The following ZIC2 variants were observed in gnomAD, a reference collection of about 807,000 sequenced individuals.
ZIC2 encodes zinc finger protein ZIC 2.
A neutral mutation model predicts 29.5 loss-of-function variants in ZIC2; 7 were observed. That is an observed-to-expected ratio of 0.24 (90% confidence interval 0.14 to 0.45). The LOEUF is 0.45. Ranked by LOEUF, ZIC2 falls within the 20% of genes least tolerant of loss-of-function variation. The pLI is 1.00. For missense variants in ZIC2, 589 were observed against 781.2 expected (o/e 0.75, Z 2.93); for synonymous variants, 408 against 354.2 (o/e 1.15, Z -1.70).
chr13:99,982,139 C>CGCGGCGGCG lies in ZIC2; in HGVS notation c.84_92dup (p.Ala31_Ala33dup). On this transcript the variant is annotated inframe_insertion, in exon 1 of 3. Transcript: ENST00000376335. ...TCGCGCGCCACCATCACCACTCCGC[C>CGCGGCGGCG]GCGGCGGCGGCGGCGGCTGCCGCCG... 2 of 1,330,564 alleles carry CGCGGCGGCG rather than the reference C, an allele frequency of 1.5e-6. No individual in the cohort carries two copies. The highest frequency in any genetic ancestry group is 4.1e-5 in the South Asian group (2 of 48,262). The allele number at this position is 1,330,564 out of a possible 1,614,324, so 82.4% of individuals were successfully genotyped here. A position where few individuals can be genotyped will look rare whatever the true frequency, so the allele number is the denominator to read the frequency against.
In ZIC2 at chr13:99,982,160, C is replaced by G; in HGVS notation, c.96C>G (p.Ala32=). The change falls in exon 1 of 3, where the codon GCC becomes GCG. Residue 32 remains alanine, a synonymous_variant. Coordinates refer to ENST00000376335, the MANE Select transcript of ZIC2 (RefSeq NM_007129.5). Reference sequence around the variant, plus strand: ...CCGCCGCGGCGGCGGCGGCGGCTGCCGCCGAGATGCAGGACCGTGAACTGA... The same window carrying G: ...CCGCCGCGGCGGCGGCGGCGGCTGCGGCCGAGATGCAGGACCGTGAACTGA... ...HHSAAAAAAA[A]AEMQDRELSL... is the part of the protein sequence containing the mutation. The G allele has an allele frequency of 1.5e-6, 2 of 1,362,070 alleles. No homozygotes were observed. Among genetic ancestry groups the G allele is most frequent in the Non-Finnish European group, 1.9e-6 (2 of 1,062,670 alleles). The allele number at this position is 1,362,070 out of a possible 1,614,324, so 84.4% of individuals were successfully genotyped here. A position where few individuals can be genotyped will look rare whatever the true frequency, so the allele number is the denominator to read the frequency against.
Position 99,982,522 on chromosome 13 carries a change from C to T in ZIC2, c.458C>T (p.Ala153Val). 2.0e-6 allele frequency: 3 copies of T among 1,524,036 alleles called. No individual in the cohort carries two copies. The highest frequency in any genetic ancestry group is 2.5e-5 in the East Asian group (1 of 40,684). 94.4% of individuals were successfully genotyped at this position (1,524,036 alleles called of 1,614,324 possible). A position where few individuals can be genotyped will look rare whatever the true frequency, so the allele number is the denominator to read the frequency against. Residue 153 changes from alanine (A) to valine (V), a missense_variant, in exon 1 of 3, where the codon GCG (alanine) becomes GTG (valine). Physicochemically the swap from Ala to Val is moderately conservative, Grantham distance 64. Transcript: ENST00000376335. Reference sequence around the variant, plus strand: ...GGCCTGCACCACGCGCACTCGGACGCGCAGGGCCACCTCCTCTTCCCGGGC... The same window carrying T: ...GGCCTGCACCACGCGCACTCGGACGTGCAGGGCCACCTCCTCTTCCCGGGC... Reference protein sequence around the residue: ...AGGLHHAHSDAQGHLLFPGLP... With the variant: ...AGGLHHAHSDVQGHLLFPGLP...
chr13:99,985,319 G>A lies in ZIC2; in HGVS notation c.1240-4G>A. ...GGTCCCCCCTCCCGGCTTTTGTCTT[G>A]CAGGTCCATGAGTCCTCCCCGCAGG... On this transcript the variant is annotated splice_polypyrimidine_tract_variant and splice_region_variant and intron_variant, in intron 2 of 2. Coordinates refer to ENST00000376335, the MANE Select transcript of ZIC2 (RefSeq NM_007129.5). This position sits in a 1 kb window ranked among gnomAD's most constrained non-coding sequence, Gnocchi z 6.3. 6.3e-7 allele frequency: 1 copy of A among 1,598,406 alleles called. No individual in the cohort carries two copies. The highest frequency in any genetic ancestry group is 1.1e-5 in the South Asian group (1 of 91,068).
rs1170929800 is a variant in ZIC2, at chr13:99,982,301, G to C, written c.237G>C (p.Ser79=). ...CGGGCCAGAGCTCGGCGTTCACGTC[G>C]CAGGGCCCCGGCGCCTACCCCGGCT... is the stretch of plus-strand genomic sequence containing the variant. ...LSPGQSSAFT[S]QGPGAYPGSA... The change falls in exon 1 of 3, where the codon TCG becomes TCC. Residue 79 remains serine (S), a synonymous_variant. Transcript: ENST00000376335. 1.5e-5 allele frequency: 23 copies of C among 1,484,610 alleles called. 1 individual carries two copies. The highest frequency in any genetic ancestry group is 2.0e-5 in the Non-Finnish European group (22 of 1,119,976). 92.0% of individuals were successfully genotyped at this position (1,484,610 alleles called of 1,614,324 possible).
chr13:99,985,200 C>CCCAGGGG lies in ZIC2; in HGVS notation c.1239+98_1239+104dup. Reference sequence around the variant, plus strand: ...CCACCTCAGCCGGCCTGGGAGGGTCCCCAGGGGCCAGGGCGGCGGGGGGAA... The same window carrying CCCAGGGG: ...CCACCTCAGCCGGCCTGGGAGGGTCCCCAGGGGCCAGGGGCCAGGGCGGCGGGGGGAA... On this transcript the variant is annotated intron_variant, in intron 2 of 2. Transcript: ENST00000376335. The surrounding 1 kb of genome is among the most constrained non-coding windows in gnomAD (Gnocchi z 6.3). 2 of 1,606,900 alleles carry CCCAGGGG rather than the reference C, an allele frequency of 1.2e-6. No individual in the cohort carries two copies. The highest frequency in any genetic ancestry group is 1.7e-6 in the Non-Finnish European group (2 of 1,176,202).
rs754464194 is a variant in ZIC2, at chr13:99,985,033, C to A, written c.1163C>A (p.Thr388Asn). 3.1e-6 allele frequency: 5 copies of A among 1,614,174 alleles called. No individual in the cohort carries two copies. Among genetic ancestry groups the A allele is most frequent in the Non-Finnish European group, 4.2e-6 (5 of 1,179,992 alleles). Reference sequence around the variant, plus strand: ...AGGAAGAAGCACATGCACGTCCACACCTCCGATAAGCCCTATCTCTGCAAG... The same window carrying A: ...AGGAAGAAGCACATGCACGTCCACAACTCCGATAAGCCCTATCTCTGCAAG... The part of the protein sequence containing the change: ...SDRKKHMHVH[T>N]SDKPYLCKMC... The change falls in exon 2 of 3, where the codon ACC becomes AAC. Residue 388 changes from threonine (T) to asparagine (N), a missense_variant. Physicochemically the swap from Thr to Asn is moderately conservative, Grantham distance 65 (BLOSUM62 0). This residue lies in a region of ZIC2 where 36 missense variants were observed against 72.9 expected (regional missense o/e 0.49). Transcript: ENST00000376335. The surrounding 1 kb of genome is among the most constrained non-coding windows in gnomAD (Gnocchi z 6.3).
Position 99,982,761 on chromosome 13 carries a change from C to T in ZIC2, c.697C>T (p.His233Tyr). The T allele has an allele frequency of 6.2e-7, 1 of 1,602,238 alleles. No homozygotes were observed. The highest frequency in any genetic ancestry group is 8.5e-7 in the Non-Finnish European group (1 of 1,178,446). The part of the protein sequence containing the change: ...MNMAAAAAHH[H>Y]HHHHHHPGAF... Reference sequence around the variant, plus strand: ...CATGGCAGCAGCCGCGGCCCACCACCACCACCACCACCACCACCACCCCGG... The same window carrying T: ...CATGGCAGCAGCCGCGGCCCACCACTACCACCACCACCACCACCACCCCGG... The change falls in exon 1 of 3, where the codon CAC (histidine) becomes TAC (tyrosine). Residue 233 changes from histidine to tyrosine, a missense_variant. By Grantham distance (83) the His-to-Tyr change is moderately conservative (BLOSUM62 2). Around this residue, in one of 7 missense-constraint regions of ZIC2, gnomAD observed 358 missense variants for 382.0 expected, o/e 0.94. Transcript: ENST00000376335.
chr13:99,982,457 G>T lies in ZIC2; in HGVS notation c.393G>T (p.Pro131=). Residue 131 remains proline (P), a synonymous_variant, in exon 1 of 3, where the codon CCG becomes CCT. Transcript: ENST00000376335. ...FRSRGFGDSA[P]GGGQHGLFGP... Reference sequence around the variant, plus strand: ...GCCGCGGCTTCGGGGACTCGGCGCCGGGCGGCGGGCAGCACGGGCTGTTCG... The same window carrying T: ...GCCGCGGCTTCGGGGACTCGGCGCCTGGCGGCGGGCAGCACGGGCTGTTCG... The T allele has an allele frequency of 1.4e-6, 2 of 1,426,496 alleles. No individual in the cohort carries two copies. The highest frequency in any genetic ancestry group is 1.5e-5 in the African/African-American group (1 of 65,662). The allele number at this position is 1,426,496 out of a possible 1,614,324, so 88.4% of individuals were successfully genotyped here. A position where few individuals can be genotyped will look rare whatever the true frequency, so the allele number is the denominator to read the frequency against.
At position 99,985,975 on chromosome 13, in the gene ZIC2, T is replaced by G. The variant is rs571466779; in HGVS notation, c.*293T>G. 9 of 431,532 alleles carry G rather than the reference T, an allele frequency of 2.1e-5. No homozygotes were observed. Among genetic ancestry groups the G allele is most frequent in the Admixed American group, 8.3e-5 (3 of 36,002 alleles). 26.7% of individuals were successfully genotyped at this position (431,532 alleles called of 1,614,324 possible). A position where few individuals can be genotyped will look rare whatever the true frequency, so the allele number is the denominator to read the frequency against. On this transcript the variant is annotated 3_prime_UTR_variant, in exon 3 of 3. Transcript: ENST00000376335. This position sits in a 1 kb window ranked among gnomAD's most constrained non-coding sequence, Gnocchi z 6.3. Reference sequence around the variant, plus strand: ...AAAATGTTGAACCAAACCTCCCTGCTAATCTCCATGCCCACGTTCTTTCCC... The same window carrying G: ...AAAATGTTGAACCAAACCTCCCTGCGAATCTCCATGCCCACGTTCTTTCCC...
At chr13:99,984,102 G>T (rs1401018923) in intron 1 of ZIC2, among the ~76,000 whole-genome samples, 1 of 152,206 alleles carries the variant, frequency 6.6e-6, no homozygotes, top group Non-Finnish European at 1.5e-5. Context: ...TGAAATGCTC[G>T]CTTTCGAGTC....
At position 99,985,850 on chromosome 13, in the gene ZIC2, T is replaced by TTTTTA. The variant is rs1350180382; in HGVS notation, c.*170_*171insTTATT. On this transcript the variant is annotated 3_prime_UTR_variant, in exon 3 of 3. Transcript: ENST00000376335. This position sits in a 1 kb window ranked among gnomAD's most constrained non-coding sequence, Gnocchi z 6.3. The stretch of plus-strand genomic sequence containing the variant: ...GATTTTTTAAAGTTTTTTTTTTTTT[T>TTTTTA]TTAATAATAATCTAGGCATGAAGAG... 1.9e-5 allele frequency: 5 copies of TTTTTA among 269,458 alleles called. No individual in the cohort carries two copies. The highest frequency in any genetic ancestry group is 3.0e-5 in the Non-Finnish European group (5 of 164,414). The allele number at this position is 269,458 out of a possible 1,614,324, so 16.7% of individuals were successfully genotyped here.
Position 99,985,393 on chromosome 13 carries a change from C to T in ZIC2, c.1310C>T (p.Pro437Leu). 6.3e-7 allele frequency: 1 copy of T among 1,597,062 alleles called. No homozygotes were observed. Among genetic ancestry groups the T allele is most frequent in the East Asian group, 2.2e-5 (1 of 44,802 alleles). The change falls in exon 3 of 3, where the codon CCC (proline) becomes CTC (leucine). Residue 437 changes from proline to leucine, a missense_variant. By Grantham distance (98) the Pro-to-Leu change is moderately conservative. Around this residue, in one of 7 missense-constraint regions of ZIC2, gnomAD observed 135 missense variants for 136.7 expected, o/e 0.99. Transcript: ENST00000376335. The surrounding 1 kb of genome is among the most constrained non-coding windows in gnomAD (Gnocchi z 6.3). Reference protein sequence around the residue: ...AASSGYESSTPPGLVSPSAEP... With the variant: ...AASSGYESSTLPGLVSPSAEP... ...AGCTCCGGCTATGAGTCGTCCACGC[C>T]CCCGGGGCTGGTGTCCCCCAGCGCC...
chr13:99,982,308 C>G lies in ZIC2; in HGVS notation c.244C>G (p.Pro82Ala). ...GAGCTCGGCGTTCACGTCGCAGGGC[C>G]CCGGCGCCTACCCCGGCTCCGCTGC... is the stretch of plus-strand genomic sequence containing the variant. ...GQSSAFTSQG[P>A]GAYPGSAAAA... The change falls in exon 1 of 3, where the codon CCC becomes GCC. Residue 82 changes from proline (P) to alanine (A), a missense_variant. Around this residue, in one of 7 missense-constraint regions of ZIC2, gnomAD observed 358 missense variants for 382.0 expected, o/e 0.94. Coordinates refer to ENST00000376335, the MANE Select transcript of ZIC2 (RefSeq NM_007129.5). 1 of 1,477,308 alleles carries G rather than the reference C, an allele frequency of 6.8e-7. No homozygotes were observed. The highest frequency in any genetic ancestry group is 2.3e-4 in the Middle Eastern group (1 of 4,372). The allele number at this position is 1,477,308 out of a possible 1,614,324, so 91.5% of individuals were successfully genotyped here. A position where few individuals can be genotyped will look rare whatever the true frequency, so the allele number is the denominator to read the frequency against.
At position 99,981,866 on chromosome 13, in the gene ZIC2, C is replaced by T; in HGVS notation, c.-199C>T. The T allele has an allele frequency of 8.8e-7, 1 of 1,134,996 alleles. No individual in the cohort carries two copies. 70.3% of individuals were successfully genotyped at this position (1,134,996 alleles called of 1,614,324 possible). On this transcript the variant is annotated 5_prime_UTR_variant, in exon 1 of 3. Transcript: ENST00000376335. ...TCTTCCTCTCCGCGCCTTCGCTACGCGCCCGGCCGCCCGAGGCAGATCCAG... is the reference window on the plus strand; with the variant it reads ...TCTTCCTCTCCGCGCCTTCGCTACGTGCCCGGCCGCCCGAGGCAGATCCAG...
At position 99,985,716 on chromosome 13, in the gene ZIC2, AC is replaced by A; in HGVS notation, c.*38del. The A allele has an allele frequency of 7.1e-6, 9 of 1,263,628 alleles. No individual in the cohort carries two copies. The highest frequency in any genetic ancestry group is 2.5e-5 in the Admixed American group (1 of 39,640). The allele number at this position is 1,263,628 out of a possible 1,614,324, so 78.3% of individuals were successfully genotyped here. On this transcript the variant is annotated 3_prime_UTR_variant, in exon 3 of 3. Coordinates refer to ENST00000376335, the MANE Select transcript of ZIC2 (RefSeq NM_007129.5). The surrounding 1 kb of genome is among the most constrained non-coding windows in gnomAD (Gnocchi z 6.3). ...GGCCTCTCTCCCTCTCCCTGTCCCC[AC>A]CCCAGCGCAGCAGCCCTCCCCGCAG... is the stretch of plus-strand genomic sequence containing the variant.
rs779746760 is a variant in ZIC2, at chr13:99,985,476, G to A, written c.1393G>A (p.Ala465Thr). The change falls in exon 3 of 3, where the codon GCG becomes ACG. Residue 465 changes from alanine (A) to threonine (T), a missense_variant. This residue lies in a region of ZIC2 where 135 missense variants were observed against 136.7 expected (regional missense o/e 0.99). Transcript: ENST00000376335. This position sits in a 1 kb window ranked among gnomAD's most constrained non-coding sequence, Gnocchi z 6.3. ...GGCGGCGGCAGCGGCGGCGGCGGCT[G>A]CGGCGGCGGCGGCCGCGGTGTCCGC... ...PAAAAAAAAAAAAAAAVSAVH... is the reference protein window; with the variant it reads ...PAAAAAAAAATAAAAAVSAVH... 3.9e-6 allele frequency: 5 copies of A among 1,269,684 alleles called. No homozygotes were observed. The South Asian group carries it at 1.4e-4, about 35-fold the overall frequency. 78.7% of individuals were successfully genotyped at this position (1,269,684 alleles called of 1,614,324 possible).
At position 99,985,792 on chromosome 13, in the gene ZIC2, T is replaced by C; in HGVS notation, c.*110T>C. ...CATGTTGTTAAAATTATGAATCTGA[T>C]TTTTATGATGATGAAAATTTTACCA... On this transcript the variant is annotated 3_prime_UTR_variant, in exon 3 of 3. Coordinates refer to ENST00000376335, the MANE Select transcript of ZIC2 (RefSeq NM_007129.5). The surrounding 1 kb of genome is among the most constrained non-coding windows in gnomAD (Gnocchi z 6.3). The C allele has an allele frequency of 1.7e-6, 1 of 583,242 alleles. No homozygotes were observed. The highest frequency in any genetic ancestry group is 3.3e-5 in the South Asian group (1 of 30,246). 36.1% of individuals were successfully genotyped at this position (583,242 alleles called of 1,614,324 possible). A position where few individuals can be genotyped will look rare whatever the true frequency, so the allele number is the denominator to read the frequency against.
rs548606078 is a variant in ZIC2, at chr13:99,983,301, C to A, written c.1075+162C>A. Among the ~76,000 whole-genome samples the A allele has an allele frequency of 1.1e-4, 16 of 152,228 alleles. No individual in the cohort carries two copies. The highest frequency in any genetic ancestry group is 9.2e-4 in the Admixed American group (14 of 15,290). On this transcript the variant is annotated intron_variant, in intron 1 of 2. Transcript: ENST00000376335. The surrounding 1 kb of genome is among the most constrained non-coding windows in gnomAD (Gnocchi z 4.7). ...GAGCCAGCAGCTTGTTTCTGTTGGA[C>A]GATGACAATATTATTGGGCTAGGTT...
chr13:99,985,196 G>A lies in ZIC2; in HGVS notation c.1239+87G>A, dbSNP rs1186341466. ...CGGACCACCTCAGCCGGCCTGGGAG[G>A]GTCCCCAGGGGCCAGGGCGGCGGGG... On this transcript the variant is annotated intron_variant, in intron 2 of 2. Transcript: ENST00000376335. This position sits in a 1 kb window ranked among gnomAD's most constrained non-coding sequence, Gnocchi z 6.3. 1.4e-5 allele frequency: 22 copies of A among 1,606,636 alleles called. 1 individual carries two copies. The highest frequency in any genetic ancestry group is 1.1e-4 in the African/African-American group (8 of 74,696).
Sources: gnomAD v4.1 joint callset for allele counts (sites outside exome capture counted in the v4.1 genomes callset) on GRCh38, gnomAD v4.1.1 for gene constraint, gnomAD v4.1.1 regional missense constraint, Gnocchi (gnomAD v3.1) non-coding constraint, MANE v1.5 for transcripts, NCBI Gene and HGNC (gene_info 2026-07-23, HGNC 2026-07-21) for gene names.